SYT14: variants seen among roughly 807,000 people sequenced by gnomAD.
SYT14 encodes synaptotagmin 14.
A neutral mutation model predicts 74.2 loss-of-function variants in SYT14; 32 were observed. That is an observed-to-expected ratio of 0.43 (90% CI 0.33 to 0.58). The LOEUF (loss-of-function observed/expected upper bound fraction) is 0.58. Among genes scored for constraint, SYT14 ranks in the 20% least tolerant of loss-of-function variants. SYT14 has a pLI of 0.05. For missense variants in SYT14, 791 were observed against 981.8 expected (o/e 0.81, Z 2.60); for synonymous variants, 298 against 337.7 (o/e 0.88, Z 1.29).
chr1:209,958,800 A>G (rs2079030875), intron 2 of SYT14, among the ~76,000 whole-genome samples: 1 of 152,184 alleles, frequency 6.6e-6, no homozygotes, highest in East Asian at 1.9e-4. Context: ...TTCTAGTTAT[A>G]CTTTTTATTT....
chr1:210,164,179 A>G, exon 10 of SYT14: 1 of 373,844 alleles, frequency 2.7e-6, no homozygotes, highest in Non-Finnish European at 5.3e-6. Flanking sequence ...TGTCTTCAGT[A>G]CAATCCACTT....
At chr1:210,054,526 T>C (rs1303496344) in intron 5 of SYT14, among the ~76,000 whole-genome samples, 5 of 152,182 alleles carry the variant, frequency 3.3e-5, no homozygotes, top group Non-Finnish European at 4.4e-5. Flanking sequence ...TCTCTTGTCT[T>C]TTATATTGGA....
intron 7 of SYT14, among the ~76,000 whole-genome samples, chr1:210,140,554 G>T (rs1363341774): frequency 2.6e-5 from 4 of 151,990 alleles, no homozygotes; most frequent in Non-Finnish European, 1.5e-5. Context: ...TGTGTTGTTA[G>T]TGTCTTATCT....
intron 2 of SYT14, among the ~76,000 whole-genome samples, chr1:209,966,636 A>G (rs965497355): frequency 2.0e-5 from 3 of 152,176 alleles, no homozygotes; most frequent in Non-Finnish European, 4.4e-5. Flanking sequence ...TTAGTGGTTC[A>G]TTGATACTAT....
At chr1:210,164,051 A>C (rs1458335019) in exon 10 of SYT14, 1 of 453,608 alleles carries the variant, frequency 2.2e-6, no homozygotes, top group East Asian at 6.9e-5. Context: ...TTTTTCTCCC[A>C]AATGAGCTGC....
At chr1:210,163,775 A>T in exon 10 of SYT14, 1 of 453,812 alleles carries the variant, frequency 2.2e-6, no homozygotes, top group Non-Finnish European at 4.4e-6. Context: ...CACTCTACTG[A>T]ATCTAATGTA....
At chr1:210,136,631 T>C (rs1012237320) in intron 7 of SYT14, among the ~76,000 whole-genome samples, 1 of 152,120 alleles carries the variant, frequency 6.6e-6, no homozygotes, top group African/African-American at 2.4e-5. Flanking sequence ...TGTCAAGCAC[T>C]GAAGGTCCAG....
chr1:210,056,699 G>A (rs966900453), intron 5 of SYT14, among the ~76,000 whole-genome samples: 2 of 149,070 alleles, frequency 1.3e-5, no homozygotes, highest in Non-Finnish European at 3.0e-5. Flanking sequence ...GGTGGCATGT[G>A]CCTGTAGTCC....
chr1:210,124,040 A>G (rs2082518437), intron 7 of SYT14, among the ~76,000 whole-genome samples: 3 of 152,160 alleles, frequency 2.0e-5, no homozygotes, highest in Admixed American at 2.0e-4. Flanking sequence ...TTGGCAAACT[A>G]TGGCCTTCCA....
chr1:210,036,134 T>C (rs2080656989), intron 5 of SYT14, among the ~76,000 whole-genome samples: 1 of 152,022 alleles, frequency 6.6e-6, no homozygotes. Context: ...CGTGGTTGAA[T>C]GTAGTACTAG....
intron 2 of SYT14, among the ~76,000 whole-genome samples, chr1:209,977,876 C>A (rs1219908109): frequency 6.6e-6 from 1 of 152,182 alleles, no homozygotes; most frequent in Non-Finnish European, 1.5e-5. Flanking sequence ...TTCACATAGT[C>A]CCATATTTCT....
chr1:210,050,822 A>T (rs1220339438), intron 5 of SYT14, among the ~76,000 whole-genome samples: 2 of 152,136 alleles, frequency 1.3e-5, no homozygotes, highest in Admixed American at 6.5e-5. Flanking sequence ...ATATAATTCA[A>T]TCCCTTTCCA....
chr1:210,048,862 G>A (rs1202485685), intron 5 of SYT14, among the ~76,000 whole-genome samples: 1 of 152,204 alleles, frequency 6.6e-6, no homozygotes, highest in African/African-American at 2.4e-5. Flanking sequence ...TACAATGGGG[G>A]TACAGGCATT....
At chr1:210,073,543 C>T (rs2081433643) in intron 5 of SYT14, among the ~76,000 whole-genome samples, 1 of 152,020 alleles carries the variant, frequency 6.6e-6, no homozygotes, top group Non-Finnish European at 1.5e-5. Context: ...ATTGATATCA[C>T]ATCCCCAATT....
chr1:210,020,889 ATG>A, intron 4 of SYT14, 148 bp from the exon 4 acceptor site: 1 of 655,458 alleles, frequency 1.5e-6, no homozygotes. Flanking sequence ...GTGTGCATAT[ATG>A]TATATGTGTG....
intron 6 of SYT14, 94 bp downstream of exon 5, chr1:210,094,687 A>C: frequency 7.2e-7 from 1 of 1,397,462 alleles, no homozygotes; most frequent in Non-Finnish European, 1.0e-6. Context: ...TGATTTTATC[A>C]CTTATTCCTT....
intron 5 of SYT14, among the ~76,000 whole-genome samples, chr1:210,078,692 C>A (rs2081560624): frequency 6.6e-6 from 1 of 151,614 alleles, no homozygotes; most frequent in South Asian, 2.1e-4. Flanking sequence ...CTAGAAATAT[C>A]AAGCATGTTA....
At chr1:210,006,129 C>CT (rs2079983859) in intron 2 of SYT14, among the ~76,000 whole-genome samples, 1 of 151,866 alleles carries the variant, frequency 6.6e-6, no homozygotes, top group Non-Finnish European at 1.5e-5. Context: ...TCCATTGTCC[C>CT]TTTAAGTTAC....
At chr1:210,144,016 C>A (rs991576102) in intron 7 of SYT14, among the ~76,000 whole-genome samples, 1 of 152,090 alleles carries the variant, frequency 6.6e-6, no homozygotes, top group Admixed American at 6.5e-5. Context: ...TGTCCAAGGT[C>A]ACGCAGATGG....
Sources: allele counts gnomAD v4.1 joint callset (sites outside exome capture counted in the v4.1 genomes callset), GRCh38; gene constraint gnomAD v4.1.1; transcripts MANE v1.5; gene names NCBI Gene and HGNC (gene_info 2026-07-23, HGNC 2026-07-21).